Variants in PLXDC2 observed in about 807,000 individuals in gnomAD.
PLXDC2 encodes the protein plexin domain-containing protein 2.
Under a neutral mutation model 68.9 loss-of-function variants are expected in PLXDC2, and 40 were observed. The ratio of observed to expected loss-of-function variants is 0.58; its 90% CI spans 0.45 to 0.76. The LOEUF (loss-of-function observed/expected upper bound fraction) is 0.76. Ranked by LOEUF, PLXDC2 falls within the 30% of genes least tolerant of loss-of-function variation. PLXDC2 has a pLI of 0.00. For synonymous variants in PLXDC2, 243 were observed against 234.2 expected (o/e 1.04, Z -0.34); for missense variants, 644 against 661.9 (o/e 0.97, Z 0.30).
intron 2 of PLXDC2, among the ~76,000 whole-genome samples, chr10:20,003,598 A>G (rs989828268): frequency 6.6e-6 from 1 of 151,974 alleles, no homozygotes; most frequent in Non-Finnish European, 1.5e-5. Context: ...ACACCGGCTA[A>G]TTTTTGTATT....
At chr10:20,201,656 G>A (rs1401629168) in intron 9 of PLXDC2, among the ~76,000 whole-genome samples, 3 of 152,004 alleles carry the variant, frequency 2.0e-5, no homozygotes, top group African/African-American at 7.2e-5. Context: ...AATGACAAAT[G>A]TTTGAGACGA....
At chr10:19,854,909 CAT>C (rs569190002) in intron 1 of PLXDC2, among the ~76,000 whole-genome samples, 188 of 152,302 alleles carry the variant, frequency 1.2e-3, no homozygotes, top group East Asian at 6.0e-3. Context: ...ATATTGGAAA[CAT>C]GTGTACAGTT....
At chr10:20,062,665 C>T (rs1365516213) in intron 3 of PLXDC2, among the ~76,000 whole-genome samples, 3 of 152,030 alleles carry the variant, frequency 2.0e-5, no homozygotes, top group South Asian at 4.1e-4. Flanking sequence ...AGGAGCAAGA[C>T]AACAATAATC....
chr10:20,109,068 T>C (rs1328981370), intron 4 of PLXDC2, among the ~76,000 whole-genome samples: 1 of 152,198 alleles, frequency 6.6e-6, no homozygotes, highest in African/African-American at 2.4e-5. Flanking sequence ...CTTAGTAAAA[T>C]AAGTGAGAGG....
rs543975691 is a variant in PLXDC2, at chr10:20,104,658, TCTCA to T, written c.541+36422_541+36425del. ...AAATATTGTTGGCACGTGGGTTTTC[TCTCA>T]CTATTTCACTATTAACATTGTTAAA... On this transcript the variant is annotated intron_variant, in intron 4 of 13. Coordinates refer to ENST00000377252, the MANE Select transcript of PLXDC2 (RefSeq NM_032812.9). 1.7e-3 allele frequency among the ~76,000 whole-genome samples: 259 copies of T among 152,316 alleles called. 1 individual carries two copies. Among genetic ancestry groups the T allele is most frequent in the African/African-American group, 5.1e-3 (214 of 41,558 alleles).
chr10:19,845,802 A>G (rs1836997779), intron 1 of PLXDC2, among the ~76,000 whole-genome samples: 1 of 152,182 alleles, frequency 6.6e-6, no homozygotes, highest in African/African-American at 2.4e-5. Context: ...AAGAAGGGGT[A>G]GTAGCTTTTG....
intron 2 of PLXDC2, among the ~76,000 whole-genome samples, chr10:20,004,501 G>A (rs928661943): frequency 3.3e-5 from 5 of 152,110 alleles, no homozygotes; most frequent in South Asian, 2.1e-4. Context: ...AAGCAGAGGC[G>A]TTTACTCTCT....
chr10:19,986,428 A>G (rs1834640264), intron 1 of PLXDC2, among the ~76,000 whole-genome samples: 1 of 152,096 alleles, frequency 6.6e-6, no homozygotes, highest in African/African-American at 2.4e-5. Flanking sequence ...TACAGAGAAT[A>G]TTTTTGACTT....
At chr10:20,165,496 T>C (rs912561120) in intron 7 of PLXDC2, among the ~76,000 whole-genome samples, 3 of 152,062 alleles carry the variant, frequency 2.0e-5, no homozygotes, top group African/African-American at 7.2e-5. Flanking sequence ...ATCTCATTGT[T>C]CAATTCCCAC....
At chr10:20,245,318 G>A in intron 12 of PLXDC2, 27 bp from the exon 13 acceptor site, 1 of 1,592,534 alleles carries the variant, frequency 6.3e-7, no homozygotes, top group Non-Finnish European at 8.5e-7. Flanking sequence ...ACTCATGAAG[G>A]TCCTGACAGC....
At chr10:19,908,124 A>G (rs1833200472) in intron 1 of PLXDC2, among the ~76,000 whole-genome samples, 1 of 152,184 alleles carries the variant, frequency 6.6e-6, no homozygotes, top group Non-Finnish European at 1.5e-5. Context: ...GATCTTAAGA[A>G]TTTTTAGATG....
chr10:20,136,923 A>G (rs1162955158), intron 4 of PLXDC2, among the ~76,000 whole-genome samples: 1 of 152,260 alleles, frequency 6.6e-6, no homozygotes, highest in East Asian at 1.9e-4. Flanking sequence ...TTCCAATTAA[A>G]CAAAACAACC....
At chr10:20,183,390 A>G (rs1834633775) in intron 9 of PLXDC2, among the ~76,000 whole-genome samples, 1 of 151,974 alleles carries the variant, frequency 6.6e-6, no homozygotes, top group East Asian at 1.9e-4. Context: ...ATTACATAGA[A>G]TTGTTTTAAA....
intron 4 of PLXDC2, among the ~76,000 whole-genome samples, chr10:20,073,193 A>C (rs1379392648): frequency 6.6e-6 from 1 of 152,204 alleles, no homozygotes; most frequent in Non-Finnish European, 1.5e-5. Flanking sequence ...ATATGTTTTC[A>C]TGGTGAATCC....
At chr10:19,827,268 G>C (rs970006976) in intron 1 of PLXDC2, among the ~76,000 whole-genome samples, 2 of 152,214 alleles carry the variant, frequency 1.3e-5, no homozygotes, top group Non-Finnish European at 2.9e-5. Flanking sequence ...CTTAATTACT[G>C]TAGCTTTATA....
chr10:19,852,675 A>G (rs1348167249), intron 1 of PLXDC2, among the ~76,000 whole-genome samples: 1 of 152,138 alleles, frequency 6.6e-6, no homozygotes, highest in Non-Finnish European at 1.5e-5. Flanking sequence ...ATCACATCAA[A>G]ACACATATTC....
chr10:20,180,435 C>T (rs1230364299), intron 9 of PLXDC2, among the ~76,000 whole-genome samples: 2 of 152,044 alleles, frequency 1.3e-5, no homozygotes, highest in Non-Finnish European at 2.9e-5. Context: ...TCTCCTTAGA[C>T]CTGTAATCTT....
chr10:20,019,174 A>T, intron 2 of PLXDC2, among the ~76,000 whole-genome samples: 1 of 105,550 alleles, frequency 9.5e-6, no homozygotes, highest in Non-Finnish European at 2.2e-5. Context: ...ATGAAAACCA[A>T]ATTGACTGTT....
intron 9 of PLXDC2, among the ~76,000 whole-genome samples, chr10:20,197,071 G>T (rs1255841472): frequency 6.6e-6 from 1 of 152,056 alleles, no homozygotes; most frequent in Non-Finnish European, 1.5e-5. Flanking sequence ...AGCCTCAGAA[G>T]TTGTACTTTT....
Sources: gnomAD v4.1 joint callset for allele counts (sites outside exome capture counted in the v4.1 genomes callset) on GRCh38, gnomAD v4.1.1 for gene constraint, MANE v1.5 for transcripts, NCBI Gene and HGNC (gene_info 2026-07-23, HGNC 2026-07-21) for gene names.